The following LIMK2 variants were observed in gnomAD, a reference collection of about 807,000 sequenced individuals.
The protein encoded by LIMK2 is LIM domain kinase 2.
Under a neutral mutation model 75.7 loss-of-function variants are expected in LIMK2, and 35 were observed. That is an observed-to-expected ratio of 0.46 (90% CI 0.35 to 0.61). The LOEUF is 0.61. LIMK2 is among the 20% of genes least tolerant of loss of function. LIMK2 has a pLI of 0.00. For missense variants in LIMK2, 623 were observed against 831.0 expected (o/e 0.75, Z 3.08); for synonymous variants, 301 against 319.2 (o/e 0.94, Z 0.61).
intron 1 of LIMK2, among the ~76,000 whole-genome samples, chr22:31,219,594 CAG>C (rs1302359442): frequency 6.6e-6 from 1 of 151,688 alleles, no homozygotes; most frequent in Non-Finnish European, 1.5e-5. Flanking sequence ...TTTTTTGAGA[CAG>C]AGTCTGGCTC....
At chr22:31,260,983 T>C (rs1465872578) in intron 5 of LIMK2, among the ~76,000 whole-genome samples, 3 of 152,080 alleles carry the variant, frequency 2.0e-5, no homozygotes, top group Non-Finnish European at 2.9e-5. Flanking sequence ...GGAGGTTGGA[T>C]TGGAGAGGGG....
intron 15 of LIMK2, chr22:31,275,596 TC>T: frequency 2.7e-6 from 1 of 373,340 alleles, no homozygotes; most frequent in Non-Finnish European, 4.9e-6. Context: ...AGTGTATTCA[TC>T]TTTCGATATT....
chr22:31,220,737 C>T (rs1193888398), intron 1 of LIMK2, among the ~76,000 whole-genome samples: 2 of 152,156 alleles, frequency 1.3e-5, no homozygotes, highest in Non-Finnish European at 2.9e-5. Flanking sequence ...CCGAGGTGGG[C>T]AGACCACCTG....
intron 2 of LIMK2, among the ~76,000 whole-genome samples, chr22:31,244,560 C>A (rs969606280): frequency 3.3e-5 from 5 of 152,024 alleles, no homozygotes; most frequent in Non-Finnish European, 7.4e-5. Context: ...ATCCTGACCT[C>A]CTGCTCAAGA....
intron 2 of LIMK2, among the ~76,000 whole-genome samples, chr22:31,255,926 G>A (rs2123828416): frequency 8.0e-6 from 1 of 125,096 alleles, no homozygotes; most frequent in South Asian, 2.8e-4. Context: ...CCATTACATT[G>A]TCATCATCTT....
chr22:31,251,677 T>C (rs1009508054), intron 2 of LIMK2, among the ~76,000 whole-genome samples: 6 of 150,820 alleles, frequency 4.0e-5, no homozygotes, highest in African/African-American at 1.2e-4. Context: ...AAAACAACAA[T>C]AACATATTCC....
At chr22:31,265,123 G>T (rs1193851312) in intron 7 of LIMK2, among the ~76,000 whole-genome samples, 2 of 148,522 alleles carry the variant, frequency 1.3e-5, no homozygotes, top group Non-Finnish European at 3.0e-5. Flanking sequence ...GAACCTGGGA[G>T]GCAGAGGTTG....
At chr22:31,220,486 A>T (rs1023938073) in intron 1 of LIMK2, among the ~76,000 whole-genome samples, 19 of 152,198 alleles carry the variant, frequency 1.2e-4, no homozygotes, top group Non-Finnish European at 2.4e-4. Flanking sequence ...CATAATAAAG[A>T]TACAGTTCTT....
chr22:31,249,525 C>T (rs534699594), intron 2 of LIMK2, among the ~76,000 whole-genome samples: 2 of 152,270 alleles, frequency 1.3e-5, no homozygotes, highest in African/African-American at 4.8e-5. Context: ...TGCCCCACTC[C>T]ACCTCCCATA....
chr22:31,232,022 A>G (rs921534070), intron 2 of LIMK2, among the ~76,000 whole-genome samples: 3 of 151,900 alleles, frequency 2.0e-5, no homozygotes, highest in Non-Finnish European at 2.9e-5. Flanking sequence ...TATTAATACT[A>G]TGTTGCCCAG....
At chr22:31,269,008 T>G (rs967805612) in intron 11 of LIMK2, among the ~76,000 whole-genome samples, 1 of 152,036 alleles carries the variant, frequency 6.6e-6, no homozygotes, top group African/African-American at 2.4e-5. Flanking sequence ...GTAAAAGAGT[T>G]TTTTGGTTGA....
intron 14 of LIMK2, among the ~76,000 whole-genome samples, chr22:31,274,296 G>A (rs1316031812): frequency 2.6e-5 from 4 of 152,124 alleles, no homozygotes; most frequent in African/African-American, 4.8e-5. Flanking sequence ...ATATCTCAGC[G>A]ACTCAAACAC....
At chr22:31,261,199 G>A (rs1282580897) in intron 5 of LIMK2, among the ~76,000 whole-genome samples, 5 of 152,036 alleles carry the variant, frequency 3.3e-5, no homozygotes, top group Admixed American at 6.5e-5. Flanking sequence ...AGTGGCTCAC[G>A]CCTGTAATGC....
intron 4 of LIMK2, 91 bp from the exon 5 acceptor site, chr22:31,259,798 A>C: frequency 3.7e-6 from 4 of 1,068,020 alleles, no homozygotes; most frequent in Non-Finnish European, 5.3e-6. Context: ...GACTATGGGT[A>C]CTGTTGCTTA....
At chr22:31,250,366 C>T (rs1601422739) in intron 2 of LIMK2, among the ~76,000 whole-genome samples, 1 of 152,266 alleles carries the variant, frequency 6.6e-6, no homozygotes, top group East Asian at 1.9e-4. Flanking sequence ...AGGGAGGACA[C>T]AACTTCTCAG....
intron 2 of LIMK2, among the ~76,000 whole-genome samples, chr22:31,229,209 T>G (rs1246961798): frequency 6.6e-6 from 1 of 152,238 alleles, no homozygotes; most frequent in Non-Finnish European, 1.5e-5. Context: ...ACAGAGACTC[T>G]AATCCAGCTG....
intron 1 of LIMK2, among the ~76,000 whole-genome samples, chr22:31,220,519 G>A (rs1240568141): frequency 6.6e-6 from 1 of 152,230 alleles, no homozygotes; most frequent in Non-Finnish European, 1.5e-5. Context: ...TCTGAATGGG[G>A]TGTGGGGGAG....
chr22:31,227,728 C>A (rs936878851), intron 2 of LIMK2, among the ~76,000 whole-genome samples: 3 of 152,190 alleles, frequency 2.0e-5, no homozygotes, highest in African/African-American at 7.2e-5. Context: ...TGGCATGTAA[C>A]CCATATGTTC....
At chr22:31,239,227 T>C (rs922249185) in intron 2 of LIMK2, among the ~76,000 whole-genome samples, 1 of 152,256 alleles carries the variant, frequency 6.6e-6, no homozygotes, top group African/African-American at 2.4e-5. Context: ...AAGATCAGCA[T>C]TCTCTTTGGC....
Sources: allele counts gnomAD v4.1 joint callset (sites outside exome capture counted in the v4.1 genomes callset), GRCh38; gene constraint gnomAD v4.1.1; transcripts MANE v1.5; gene names NCBI Gene and HGNC (gene_info 2026-07-23, HGNC 2026-07-21).